The following SYT1 variants were observed in gnomAD, a reference collection of about 807,000 sequenced individuals.
SYT1 encodes synaptotagmin-1.
A neutral mutation model predicts 44.8 loss-of-function variants in SYT1; 8 were observed. The observed-to-expected ratio is 0.18, with a 90% confidence interval of 0.10 to 0.32. The LOEUF is 0.32. Ranked by LOEUF, SYT1 falls within the 10% of genes least tolerant of loss-of-function variation. SYT1 has a pLI of 1.00. For synonymous variants in SYT1, 154 were observed against 188.8 expected (o/e 0.82, Z 1.51); for missense variants, 286 against 509.3 (o/e 0.56, Z 4.22).
intron 9 of SYT1, among the ~76,000 whole-genome samples, chr12:79,386,772 C>T (rs1287278803): frequency 6.6e-6 from 1 of 152,164 alleles, no homozygotes; most frequent in Non-Finnish European, 1.5e-5. Context: ...TCCAAGTCTC[C>T]TCAATGCCTA....
intron 9 of SYT1, among the ~76,000 whole-genome samples, chr12:79,421,280 G>A (rs1869097007): frequency 6.6e-6 from 1 of 152,114 alleles, no homozygotes; most frequent in South Asian, 2.1e-4. Context: ...CCCATCCATT[G>A]TGGTAGATGA....
intron 3 of SYT1, among the ~76,000 whole-genome samples, chr12:79,073,634 T>C (rs1439815909): frequency 2.0e-5 from 3 of 151,980 alleles, no homozygotes; most frequent in African/African-American, 7.2e-5. Context: ...GAATGGTAGG[T>C]CTCTCCAGAA....
chr12:79,100,232 A>T (rs1209646469), intron 3 of SYT1, among the ~76,000 whole-genome samples: 2 of 152,090 alleles, frequency 1.3e-5, no homozygotes, highest in Non-Finnish European at 2.9e-5. Flanking sequence ...CCATTTTATG[A>T]TGAGGAAAAG....
At chr12:79,343,881 A>T (rs1402731833) in intron 8 of SYT1, among the ~76,000 whole-genome samples, 2 of 152,232 alleles carry the variant, frequency 1.3e-5, no homozygotes, top group Admixed American at 1.3e-4. Flanking sequence ...TAACTAAAGA[A>T]GAGAGGGAAA....
rs1174196447 is a variant in SYT1 at position 79,444,300 on chromosome 12, T to G, written c.1062+94T>G. On this transcript the variant is annotated intron_variant, in intron 10 of 10. Transcript: ENST00000261205. ...AGACCTTGTAAGTTATCAGTGCACATGCCTTCATTAGAACTGCCATTCTTT... is the reference window on the plus strand; with the variant it reads ...AGACCTTGTAAGTTATCAGTGCACAGGCCTTCATTAGAACTGCCATTCTTT... The G allele has an allele frequency of 3.5e-6, 5 of 1,428,152 alleles. No individual in the cohort carries two copies. The Admixed American group carries it at 1.0e-4, about 30-fold the overall frequency. The allele number at this position is 1,428,152 out of a possible 1,614,324, so 88.5% of individuals were successfully genotyped here. A position where few individuals can be genotyped will look rare whatever the true frequency, so the allele number is the denominator to read the frequency against.
rs554615887 is a variant in SYT1 at position 79,009,756 on chromosome 12, T to A, written c.-84+31825T>A. 2.9e-3 allele frequency among the ~76,000 whole-genome samples: 439 copies of A among 152,272 alleles called. 5 individuals carry two copies. Among genetic ancestry groups the A allele is most frequent in the Middle Eastern group, 0.01 (3 of 294 alleles). ...GAAATTTGATGTGCTTTCACTTGCA[T>A]CTCTTCTTTGTTTCCCCATCAATAT... On this transcript the variant is annotated intron_variant, in intron 2 of 10. Transcript: ENST00000261205.
At chr12:79,171,480 G>C (rs981693847) in intron 3 of SYT1, among the ~76,000 whole-genome samples, 1 of 151,874 alleles carries the variant, frequency 6.6e-6, no homozygotes, top group South Asian at 2.1e-4. Context: ...TAAGGAAGAT[G>C]ATTCTTGCTC....
chr12:78,952,052 C>A (rs1878997483), intron 1 of SYT1, among the ~76,000 whole-genome samples: 1 of 152,016 alleles, frequency 6.6e-6, no homozygotes, highest in Non-Finnish European at 1.5e-5. Flanking sequence ...CCATGAAGAG[C>A]AAAATGAAAT....
intron 8 of SYT1, among the ~76,000 whole-genome samples, chr12:79,311,785 G>A (rs887762455): frequency 2.6e-4 from 37 of 144,990 alleles, no homozygotes; most frequent in Admixed American, 4.2e-4. Context: ...AGCAAACACC[G>A]CATGTTCTCA....
intron 8 of SYT1, among the ~76,000 whole-genome samples, chr12:79,302,234 T>C (rs1880185617): frequency 1.3e-5 from 2 of 152,160 alleles, no homozygotes; most frequent in Non-Finnish European, 2.9e-5. Flanking sequence ...AGATGAAAGA[T>C]ATCAAAGAAA....
intron 1 of SYT1, among the ~76,000 whole-genome samples, chr12:78,967,606 G>A (rs1196187073): frequency 6.6e-6 from 1 of 152,092 alleles, no homozygotes; most frequent in Admixed American, 6.6e-5. Context: ...GAAAACTGTG[G>A]GAGAAGCATA....
intron 1 of SYT1, among the ~76,000 whole-genome samples, chr12:78,939,114 CTT>C (rs1270390913): frequency 6.6e-6 from 1 of 152,086 alleles, no homozygotes; most frequent in African/African-American, 2.4e-5. Context: ...CAGATTAAAA[CTT>C]TTAATCAGGT....
intron 8 of SYT1, among the ~76,000 whole-genome samples, chr12:79,307,526 C>T (rs1299010509): frequency 6.6e-6 from 1 of 151,882 alleles, no homozygotes; most frequent in Non-Finnish European, 1.5e-5. Flanking sequence ...GGCTGGAGTC[C>T]TCCCAGGAGC....
intron 4 of SYT1, among the ~76,000 whole-genome samples, chr12:79,218,707 T>C (rs961557601): frequency 7.2e-5 from 11 of 152,188 alleles, no homozygotes; most frequent in African/African-American, 2.7e-4. Context: ...CACGATTTCA[T>C]TTTTTTATAG....
At chr12:79,312,224 T>C (rs1296486856) in intron 8 of SYT1, among the ~76,000 whole-genome samples, 4 of 152,090 alleles carry the variant, frequency 2.6e-5, no homozygotes, top group Non-Finnish European at 5.9e-5. Flanking sequence ...TATTATTAAA[T>C]CGATTTGTAA....
intron 3 of SYT1, among the ~76,000 whole-genome samples, chr12:79,185,011 A>G (rs1358945529): frequency 6.6e-6 from 1 of 152,088 alleles, no homozygotes; most frequent in Non-Finnish European, 1.5e-5. Flanking sequence ...CATCTTCATT[A>G]GCAAACAGAA....
intron 8 of SYT1, among the ~76,000 whole-genome samples, chr12:79,330,913 C>T (rs572001711): frequency 6.6e-6 from 1 of 152,270 alleles, no homozygotes; most frequent in South Asian, 2.1e-4. Flanking sequence ...TTATGGCACT[C>T]ACTGTCTCTA....
At chr12:78,894,175 C>T (rs1048652238) in intron 1 of SYT1, among the ~76,000 whole-genome samples, 1 of 151,360 alleles carries the variant, frequency 6.6e-6, no homozygotes, top group Admixed American at 6.6e-5. Flanking sequence ...CTCTCCCCAT[C>T]AGTCCTGCTC....
chr12:79,034,819 A>G (rs1285526963), intron 2 of SYT1, among the ~76,000 whole-genome samples: 1 of 151,700 alleles, frequency 6.6e-6, no homozygotes, highest in Non-Finnish European at 1.5e-5. Context: ...AAAAAGTTTT[A>G]TTCTATTTTT....
Sources: gnomAD v4.1 joint callset for allele counts (sites outside exome capture counted in the v4.1 genomes callset) on GRCh38, gnomAD v4.1.1 for gene constraint, MANE v1.5 for transcripts, NCBI Gene and HGNC (gene_info 2026-07-23, HGNC 2026-07-21) for gene names.